RYK: variants seen among roughly 807,000 people sequenced by gnomAD.
RYK encodes the protein receptor like tyrosine kinase.
RYK carries 21 observed loss-of-function variants against 70.2 expected under a neutral mutation model. The ratio of observed to expected loss-of-function variants is 0.30; its 90% confidence interval spans 0.21 to 0.43. RYK has a LOEUF of 0.43. Among genes scored for constraint, RYK ranks in the 20% least tolerant of loss-of-function variants. RYK has a pLI of 1.00. For missense variants in RYK, 604 were observed against 753.3 expected, an observed-to-expected ratio of 0.80 and a Z score of 2.32; for synonymous variants, 267 against 278.0, an observed-to-expected ratio of 0.96 and a Z score of 0.39.
intron 13 of RYK, among the ~76,000 whole-genome samples, chr3:134,169,757 G>C (rs1167860008): frequency 6.6e-6 from 1 of 152,078 alleles, no homozygotes; most frequent in African/African-American, 2.4e-5. Context: ...TGTCTTAAAG[G>C]ACCGAGAAAA....
At position 134,182,966 on chromosome 3, in the gene RYK, G is replaced by A. The variant is rs748521525; in HGVS notation, c.1172+36C>T. 5 of 1,410,856 alleles carry A rather than the reference G, an allele frequency of 3.5e-6. No individual in the cohort carries two copies. The South Asian group carries it at 4.0e-5, about 11-fold the overall frequency. The allele number at this position is 1,410,856 out of a possible 1,614,324, so 87.4% of individuals were successfully genotyped here. On this transcript the variant is annotated intron_variant, in intron 10 of 14. Transcript: ENST00000623711. The stretch of plus-strand genomic sequence containing the variant: ...AAAATGTGGCATCAAGTGTTGCCAT[G>A]CTCAACACTGAAATGCTGGTGGTTT...
chr3:134,177,266 CA>C (rs2013137784), intron 11 of RYK, among the ~76,000 whole-genome samples: 1 of 152,090 alleles, frequency 6.6e-6, no homozygotes, highest in Admixed American at 6.5e-5. Context: ...GCATATGATA[CA>C]TATTAGGCCA....
intron 1 of RYK, among the ~76,000 whole-genome samples, chr3:134,232,192 C>T (rs2015073331): frequency 6.6e-6 from 1 of 152,154 alleles, no homozygotes; most frequent in African/African-American, 2.4e-5. Context: ...TTCTATTGTA[C>T]CAATCATTTC....
Position 134,183,004 on chromosome 3 carries a change from G to A in RYK, c.1170C>T (p.His390=). The A allele has an allele frequency of 6.3e-7, 1 of 1,580,264 alleles. No individual in the cohort carries two copies. Among genetic ancestry groups the A allele is most frequent in the Admixed American group, 1.7e-5 (1 of 57,274 alleles). ...ATGCTGGTGGTTTCTCCTCTCACCT[G>A]TGATGAAGACCTCGCAGCTTACAAC... is the stretch of plus-strand genomic sequence containing the variant. The part of the protein sequence containing the change: ...TESCKLRGLH[H]RNLLPITHVC... The change falls in exon 10 of 15, where the codon CAC becomes CAT. Residue 390 remains histidine, a splice_region_variant and synonymous_variant. Coordinates refer to ENST00000623711, the MANE Select transcript of RYK (RefSeq NM_002958.4).
chr3:134,234,471 A>G (rs1257858775), intron 1 of RYK, among the ~76,000 whole-genome samples: 1 of 152,176 alleles, frequency 6.6e-6, no homozygotes, highest in Non-Finnish European at 1.5e-5. Context: ...AAATTTCCAC[A>G]TGCAACATTT....
At chr3:134,202,279 C>T (rs2014051532) in intron 6 of RYK, among the ~76,000 whole-genome samples, 1 of 152,164 alleles carries the variant, frequency 6.6e-6, no homozygotes, top group East Asian at 1.9e-4. Context: ...AGTATGTTTT[C>T]AAAGCTTCTC....
At chr3:134,172,712 T>C (rs554129186) in intron 13 of RYK, among the ~76,000 whole-genome samples, 27 of 152,368 alleles carry the variant, frequency 1.8e-4, no homozygotes, top group African/African-American at 6.3e-4. Flanking sequence ...TGCATATTTG[T>C]ACTGCTTTAC....
intron 7 of RYK, 154 bp from the exon 8 acceptor site, chr3:134,192,128 T>C (rs2013660296): frequency 3.0e-6 from 2 of 667,004 alleles, no homozygotes; most frequent in East Asian, 3.2e-5. Flanking sequence ...AGGAGAGTTA[T>C]TTGAAGGCCA....
At chr3:134,189,752 A>C (rs992236589) in intron 8 of RYK, among the ~76,000 whole-genome samples, 28 of 151,466 alleles carry the variant, frequency 1.8e-4, no homozygotes, top group Non-Finnish European at 3.5e-4. Context: ...AAAAAAAAAA[A>C]AAAAAAAACA....
At position 134,158,132 on chromosome 3, in the gene RYK, T is replaced by G; in HGVS notation, c.*21A>C. ...GCCCCGACAGGCACCTTCTTCCTGA[T>G]GGTGTGGGATTGGAGAGGAGTCAGA... On this transcript the variant is annotated 3_prime_UTR_variant, in exon 15 of 15. Transcript: ENST00000623711. 7.4e-7 allele frequency: 1 copy of G among 1,343,592 alleles called. No homozygotes were observed. Among genetic ancestry groups the G allele is most frequent in the Non-Finnish European group, 9.9e-7 (1 of 1,007,846 alleles). 83.2% of individuals were successfully genotyped at this position (1,343,592 alleles called of 1,614,324 possible).
At chr3:134,245,460 G>A (rs938558802) in intron 1 of RYK, among the ~76,000 whole-genome samples, 6 of 152,006 alleles carry the variant, frequency 3.9e-5, no homozygotes, top group African/African-American at 7.2e-5. Context: ...ACTTTTGCAA[G>A]ATGGCAAAGT....
At chr3:134,176,154 C>T in intron 11 of RYK, 115 bp from the exon 12 acceptor site, 1 of 671,166 alleles carries the variant, frequency 1.5e-6, no homozygotes, top group East Asian at 2.7e-5. Flanking sequence ...TAAACCTACA[C>T]ACAGAATTTT....
rs114646448 is a variant in RYK, at chr3:134,166,518, T to A, written c.1576-7145A>T. On this transcript the variant is annotated intron_variant, in intron 13 of 14. Transcript: ENST00000623711. The stretch of plus-strand genomic sequence containing the variant: ...TATACGTGATTGAAAAGTGACTACT[T>A]CTGCTATGAATCTGCCCCACGATCT... Among the ~76,000 whole-genome samples the A allele has an allele frequency of 3.1e-3, 479 of 152,336 alleles. 1 individual carries two copies. The highest frequency in any genetic ancestry group is 0.011 in the African/African-American group (445 of 41,580).
intron 9 of RYK, 127 bp from the exon 10 acceptor site, chr3:134,183,198 A>G: frequency 2.2e-6 from 1 of 458,250 alleles, no homozygotes; most frequent in Non-Finnish European, 3.7e-6. Flanking sequence ...AGTTACAGGT[A>G]AATCTAAATA....
chr3:134,180,623 A>G (rs2108155645), intron 10 of RYK: 1 of 152,386 alleles, frequency 6.6e-6, no homozygotes, highest in Non-Finnish European at 1.5e-5. Flanking sequence ...GAATGAACAA[A>G]CAAATACATA....
At chr3:134,244,426 T>C (rs1356530296) in intron 1 of RYK, among the ~76,000 whole-genome samples, 1 of 152,120 alleles carries the variant, frequency 6.6e-6, no homozygotes, top group Non-Finnish European at 1.5e-5. Flanking sequence ...ATTGCACTCC[T>C]CCAGAGCTGA....
At chr3:134,245,002 A>T (rs907112579) in intron 1 of RYK, among the ~76,000 whole-genome samples, 4 of 152,236 alleles carry the variant, frequency 2.6e-5, no homozygotes, top group Admixed American at 6.5e-5. Context: ...TATCAAATCT[A>T]CCAAAGCCTT....
intron 13 of RYK, 129 bp from the exon 14 acceptor site, chr3:134,159,502 C>A: frequency 1.2e-6 from 1 of 814,916 alleles, no homozygotes; most frequent in Non-Finnish European, 1.8e-6. Flanking sequence ...ATGTTATTTA[C>A]AAAAAAATGT....
chr3:134,158,636 A>G (rs2012334432), intron 14 of RYK, among the ~76,000 whole-genome samples: 1 of 152,256 alleles, frequency 6.6e-6, no homozygotes, highest in Admixed American at 6.5e-5. Flanking sequence ...GAGTAAAATC[A>G]GTACAAAAGC....
Sources: allele counts gnomAD v4.1 joint callset (sites outside exome capture counted in the v4.1 genomes callset), GRCh38; gene constraint gnomAD v4.1.1; transcripts MANE v1.5; gene names NCBI Gene and HGNC (gene_info 2026-07-23, HGNC 2026-07-21).